The following SPATA6 variants were observed in gnomAD, a reference collection of about 807,000 sequenced individuals.
SPATA6 encodes spermatogenesis associated 6.
Under a neutral mutation model 65.3 loss-of-function variants are expected in SPATA6, and 56 were observed. The ratio of observed to expected loss-of-function variants is 0.86; its 90% CI spans 0.69 to 1.07. The LOEUF (loss-of-function observed/expected upper bound fraction) is 1.07. Ranked by LOEUF, SPATA6 falls within the 50% of genes least tolerant of loss-of-function variation. The pLI, the probability that SPATA6 is intolerant of heterozygous loss-of-function variation, is 0.00. For missense variants in SPATA6, 590 were observed against 594.8 expected, an observed-to-expected ratio of 0.99 and a Z score of 0.08; for synonymous variants, 199 against 213.2, an observed-to-expected ratio of 0.93 and a Z score of 0.58.
chr1:48,415,394 C>T (rs980521980), intron 3 of SPATA6, among the ~76,000 whole-genome samples: 6 of 152,114 alleles, frequency 3.9e-5, no homozygotes, highest in African/African-American at 7.2e-5. Context: ...AGCCTTTCCC[C>T]ATATTTGTCA....
chr1:48,271,174 C>T, the SPATA6 span, among the ~76,000 whole-genome samples: 2 of 152,122 alleles, frequency 1.3e-5, no homozygotes, highest in Non-Finnish European at 2.9e-5. Context: ...GCAATTGCTA[C>T]CTCGATCCAC....
intron 3 of SPATA6, chr1:48,436,441 A>G (rs1210922730): frequency 6.2e-7 from 1 of 1,607,810 alleles, no homozygotes; most frequent in Non-Finnish European, 8.5e-7. Flanking sequence ...AATGAGTGAA[A>G]CTTTAATAAG....
At chr1:48,276,235 A>G in the SPATA6 span, among the ~76,000 whole-genome samples, 1 of 151,736 alleles carries the variant, frequency 6.6e-6, no homozygotes, top group African/African-American at 2.4e-5. Flanking sequence ...TTTTTCTTCT[A>G]TATTAGTCTG....
Position 48,399,460 on chromosome 1 carries a change from C to T in SPATA6, c.671G>A (p.Arg224Lys). 1 of 1,613,248 alleles carries T rather than the reference C, an allele frequency of 6.2e-7. No individual in the cohort carries two copies. Among genetic ancestry groups the T allele is most frequent in the Non-Finnish European group, 8.5e-7 (1 of 1,179,480 alleles). Residue 224 changes from arginine (R) to lysine (K), a missense_variant, in exon 7 of 13, where the codon AGA becomes AAA. By Grantham distance (26) the Arg-to-Lys change is conservative (BLOSUM62 2). Coordinates refer to ENST00000371847, the MANE Select transcript of SPATA6 (RefSeq NM_019073.4). ...GTCTTCAGATAGCTCACACATGCGT[C>T]TTTTTGTGTAGGGAGATGGAGAGTG... is the stretch of plus-strand genomic sequence containing the variant. ...KSHSPSPYTK[R>K]RMCELSEDTR...
At chr1:48,342,233 T>A (rs1646238585) in intron 11 of SPATA6, among the ~76,000 whole-genome samples, 1 of 152,184 alleles carries the variant, frequency 6.6e-6, no homozygotes, top group Non-Finnish European at 1.5e-5. Context: ...TGCAATAAAA[T>A]TTTGTTTTTT....
At chr1:48,321,008 A>G (rs187020923) in intron 11 of SPATA6, among the ~76,000 whole-genome samples, 1 of 152,270 alleles carries the variant, frequency 6.6e-6, no homozygotes, top group East Asian at 1.9e-4. Flanking sequence ...CAAATCTAAA[A>G]TAATACAACA....
chr1:48,447,178 T>C (rs755748488), intron 3 of SPATA6, among the ~76,000 whole-genome samples: 6 of 152,218 alleles, frequency 3.9e-5, no homozygotes, highest in Non-Finnish European at 8.8e-5. Flanking sequence ...TTGGTAACGC[T>C]TCTGGTCAAG....
At chr1:48,378,066 C>A (rs918261685) in intron 9 of SPATA6, among the ~76,000 whole-genome samples, 1 of 152,080 alleles carries the variant, frequency 6.6e-6, no homozygotes, top group Non-Finnish European at 1.5e-5. Flanking sequence ...GCATACAGAT[C>A]GAAAGTATCC....
Position 48,401,754 on chromosome 1 carries a change from C to G in SPATA6, c.486+2048G>C, listed in dbSNP as rs77574756. ...TAAAGCCATCCTAAACCATTCATCC[C>G]TAGCCAACCATTCTAGACTAAAGAA... On this transcript the variant is annotated intron_variant, in intron 6 of 12. Transcript: ENST00000371847. Among the ~76,000 whole-genome samples the G allele has an allele frequency of 0.017, 2,580 of 152,082 alleles. 120 individuals carry two copies. The East Asian group carries it at 0.2, about 12-fold the overall frequency.
intron 6 of SPATA6, among the ~76,000 whole-genome samples, chr1:48,403,167 T>C (rs1366817069): frequency 1.3e-5 from 2 of 151,912 alleles, no homozygotes; most frequent in Admixed American, 1.3e-4. Context: ...GTCTCAAAAA[T>C]ATATTTAAAA....
chr1:48,460,260 C>T (rs1657328313), intron 1 of SPATA6, among the ~76,000 whole-genome samples: 1 of 152,228 alleles, frequency 6.6e-6, no homozygotes, highest in African/African-American at 2.4e-5. Context: ...GCCACTGCAC[C>T]AGGCTTATTA....
At position 48,403,866 on chromosome 1, in the gene SPATA6, A is replaced by G; in HGVS notation, c.422T>C (p.Leu141Pro). 2 of 1,609,812 alleles carry G rather than the reference A, an allele frequency of 1.2e-6. No homozygotes were observed. Among genetic ancestry groups the G allele is most frequent in the Non-Finnish European group, 1.7e-6 (2 of 1,178,292 alleles). Reference sequence around the variant, plus strand: ...AATCACTGAAGTCGTAGAAAATTCCAGCCTTGGAGCATTTCCCTGAGAAGA... The same window carrying G: ...AATCACTGAAGTCGTAGAAAATTCCGGCCTTGGAGCATTTCCCTGAGAAGA... Reference protein sequence around the residue: ...ISGLRGNAPRLEFSTTSVITE... With the variant: ...ISGLRGNAPRPEFSTTSVITE... Residue 141 changes from leucine to proline, a missense_variant, in exon 6 of 13, where the codon CTG becomes CCG. Physicochemically the swap from Leu to Pro is moderately conservative, Grantham distance 98. Transcript: ENST00000371847.
At chr1:48,381,316 A>G (rs1447273075) in intron 9 of SPATA6, among the ~76,000 whole-genome samples, 1 of 152,196 alleles carries the variant, frequency 6.6e-6, no homozygotes, top group Non-Finnish European at 1.5e-5. Context: ...AGATGGCAAA[A>G]GAGATGCATA....
At chr1:48,414,037 A>G (rs1279764393) in intron 3 of SPATA6, among the ~76,000 whole-genome samples, 1 of 152,184 alleles carries the variant, frequency 6.6e-6, no homozygotes, top group African/African-American at 2.4e-5. Flanking sequence ...AAGCAATTCA[A>G]CTTTTTCTTG....
At chr1:48,363,808 A>G (rs1298492331) in intron 9 of SPATA6, among the ~76,000 whole-genome samples, 1 of 150,114 alleles carries the variant, frequency 6.7e-6, no homozygotes, top group Non-Finnish European at 1.5e-5. Flanking sequence ...AATTTATTTT[A>G]TTATTATTAT....
At chr1:48,273,894 T>A in the SPATA6 span, among the ~76,000 whole-genome samples, 2 of 152,346 alleles carry the variant, frequency 1.3e-5, no homozygotes, top group South Asian at 4.1e-4. Flanking sequence ...TATTGCTGGT[T>A]CTAGATCCTT....
At chr1:48,390,450 C>CGTTA (rs1649936316) in intron 8 of SPATA6, among the ~76,000 whole-genome samples, 1 of 152,124 alleles carries the variant, frequency 6.6e-6, no homozygotes. Flanking sequence ...GGTAGCTTAA[C>CGTTA]AGGTACAAAC....
At chr1:48,411,091 AGAG>A (rs1652183370) in intron 5 of SPATA6, among the ~76,000 whole-genome samples, 1 of 152,224 alleles carries the variant, frequency 6.6e-6, no homozygotes, top group African/African-American at 2.4e-5. Context: ...AGAAAAATAA[AGAG>A]AAGAAAGAGA....
intron 2 of SPATA6, 58 bp downstream of exon 2, chr1:48,452,936 A>G: frequency 6.4e-7 from 1 of 1,564,438 alleles, no homozygotes; most frequent in Non-Finnish European, 8.6e-7. Context: ...TTTTATTCAA[A>G]AATTGGAACC....
Sources: gnomAD v4.1 joint callset for allele counts (sites outside exome capture counted in the v4.1 genomes callset) on GRCh38, gnomAD v4.1.1 for gene constraint, MANE v1.5 for transcripts, NCBI Gene and HGNC (gene_info 2026-07-23, HGNC 2026-07-21) for gene names.